The following VWA8 variants were observed in gnomAD, a reference collection of about 807,000 sequenced individuals.
VWA8 encodes the protein von Willebrand factor A domain-containing protein 8.
A neutral mutation model predicts 241.5 loss-of-function variants in VWA8; 221 were observed. That is an observed-to-expected ratio of 0.91 (90% CI 0.82 to 1.02). The LOEUF is 1.02. VWA8 is among the 50% of genes least tolerant of loss of function. The probability of loss-of-function intolerance (pLI) is 0.00; values close to 1 mark genes in which losing one functional copy is unlikely to be tolerated. For missense variants in VWA8, 2,322 were observed against 2,328.7 expected (o/e 1.00, Z 0.06); for synonymous variants, 852 against 827.1 (o/e 1.03, Z -0.52).
At chr13:41,926,823 G>A (rs1876867711) in intron 2 of VWA8, 1 of 561,606 alleles carries the variant, frequency 1.8e-6, no homozygotes, top group African/African-American at 1.9e-5. Context: ...TAACCTCTTT[G>A]AAACTGATGA....
intron 37 of VWA8, among the ~76,000 whole-genome samples, chr13:41,629,458 T>C (rs1046817503): frequency 6.6e-6 from 1 of 152,240 alleles, no homozygotes; most frequent in African/African-American, 2.4e-5. Flanking sequence ...ATGCTTGTTA[T>C]GAGATCAATA....
intron 37 of VWA8, among the ~76,000 whole-genome samples, chr13:41,655,262 A>G (rs7321867): frequency 0.039 from 5,926 of 151,796 alleles, 145 homozygotes; most frequent in South Asian, 0.078. Flanking sequence ...GCTAATTTTT[A>G]TATTTTAGGA....
intron 3 of VWA8, 148 bp from the exon 4 acceptor site, chr13:41,907,844 G>A (rs1179474890): frequency 3.1e-6 from 2 of 636,232 alleles, no homozygotes; most frequent in African/African-American, 3.7e-5. Context: ...CTAAGTTTGA[G>A]AAAAAAGAAA....
chr13:41,795,176 C>T (rs539452047), intron 17 of VWA8, among the ~76,000 whole-genome samples: 1 of 149,744 alleles, frequency 6.7e-6, no homozygotes, highest in South Asian at 2.1e-4. Context: ...TACATTTAGG[C>T]AGCCAACGAA....
chr13:41,593,328 G>A (rs1368866745), intron 40 of VWA8, among the ~76,000 whole-genome samples: 2 of 152,134 alleles, frequency 1.3e-5, no homozygotes, highest in South Asian at 4.1e-4. Context: ...TGTGACCCTT[G>A]GGAGAATGTT....
At chr13:41,621,549 C>T (rs1254686398) in intron 37 of VWA8, among the ~76,000 whole-genome samples, 1 of 152,164 alleles carries the variant, frequency 6.6e-6, no homozygotes, top group African/African-American at 2.4e-5. Context: ...TTCTGGTACA[C>T]TATTTAAAAA....
intron 12 of VWA8, among the ~76,000 whole-genome samples, chr13:41,854,745 T>C (rs1872669054): frequency 6.6e-6 from 1 of 152,082 alleles, no homozygotes; most frequent in Admixed American, 6.6e-5. Context: ...ATAAGTGCCA[T>C]GAAAAAGGCC....
chr13:41,824,791 C>A (rs1871110396), intron 14 of VWA8, among the ~76,000 whole-genome samples: 1 of 148,066 alleles, frequency 6.8e-6, no homozygotes, highest in South Asian at 2.1e-4. Context: ...GCACCTCAGC[C>A]TGGGTGAAAG....
chr13:41,701,114 T>G (rs1335749332), intron 28 of VWA8, among the ~76,000 whole-genome samples: 1 of 152,236 alleles, frequency 6.6e-6, no homozygotes, highest in African/African-American at 2.4e-5. Flanking sequence ...TTCCCTTCTA[T>G]TTTTAGCACA....
Position 41,567,583 on chromosome 13 carries a change from T to G in VWA8, c.*614A>C, listed in dbSNP as rs1371518016. The G allele has an allele frequency of 6.6e-6, 1 of 152,240 alleles. No homozygotes were observed. The highest frequency in any genetic ancestry group is 1.5e-5 in the Non-Finnish European group (1 of 68,034). The allele number at this position is 152,240 out of a possible 1,614,324, so 9.4% of individuals were successfully genotyped here. ...GAAAGGCAAGCACTCCAAGGATTTT[T>G]TGATTCCTTTTGGCTTTGGCCAAGA... On this transcript the variant is annotated 3_prime_UTR_variant, in exon 45 of 45. Transcript: ENST00000379310.
chr13:41,920,197 C>T (rs1388504788), intron 2 of VWA8, among the ~76,000 whole-genome samples: 1 of 152,180 alleles, frequency 6.6e-6, no homozygotes, highest in Non-Finnish European at 1.5e-5. Context: ...TCCCAGGGCT[C>T]AAGTTGCCAC....
At chr13:41,867,792 ATTGTT>A (rs1873381330) in intron 10 of VWA8, among the ~76,000 whole-genome samples, 2 of 152,284 alleles carry the variant, frequency 1.3e-5, no homozygotes, top group South Asian at 4.1e-4. Flanking sequence ...AGGCAGGAGT[ATTGTT>A]TGAGCTCAGG....
chr13:41,866,598 A>T (rs996803162), intron 10 of VWA8, among the ~76,000 whole-genome samples: 1 of 152,044 alleles, frequency 6.6e-6, no homozygotes, highest in African/African-American at 2.4e-5. Context: ...AAATCTTCCA[A>T]ATCAATTATT....
chr13:41,854,676 C>T (rs1872666044), intron 12 of VWA8, among the ~76,000 whole-genome samples: 1 of 151,950 alleles, frequency 6.6e-6, no homozygotes, highest in African/African-American at 2.4e-5. Flanking sequence ...AGTGGTGCAT[C>T]TTACAATTGA....
At chr13:41,607,215 G>A (rs2044559054) in intron 39 of VWA8, among the ~76,000 whole-genome samples, 1 of 152,132 alleles carries the variant, frequency 6.6e-6, no homozygotes, top group African/African-American at 2.4e-5. Context: ...GGCACACAGT[G>A]GCACTCAATA....
intron 12 of VWA8, among the ~76,000 whole-genome samples, chr13:41,860,333 T>C (rs2138041985): frequency 6.6e-6 from 1 of 152,322 alleles, no homozygotes; most frequent in Admixed American, 6.5e-5. Context: ...TTGCAGGACA[T>C]CTAAAAGGTT....
At chr13:41,784,596 G>C (rs1421464957) in intron 18 of VWA8, among the ~76,000 whole-genome samples, 2 of 149,814 alleles carry the variant, frequency 1.3e-5, no homozygotes, top group African/African-American at 4.9e-5. Context: ...CCTGGAGGTT[G>C]AGGCTACAGT....
At chr13:41,855,312 ATATT>A (rs1220174489) in intron 12 of VWA8, among the ~76,000 whole-genome samples, 2 of 145,952 alleles carry the variant, frequency 1.4e-5, no homozygotes, top group African/African-American at 2.5e-5. Flanking sequence ...AAATATATAT[ATATT>A]TATTTATATA....
At chr13:41,830,425 G>T in intron 14 of VWA8, 104 bp downstream of exon 14, 2 of 962,440 alleles carry the variant, frequency 2.1e-6, no homozygotes, top group Non-Finnish European at 3.0e-6. Flanking sequence ...TTATTAAATT[G>T]TTCAAAGTTA....
Sources: gnomAD v4.1 joint callset for allele counts (sites outside exome capture counted in the v4.1 genomes callset) on GRCh38, gnomAD v4.1.1 for gene constraint, MANE v1.5 for transcripts, NCBI Gene and HGNC (gene_info 2026-07-23, HGNC 2026-07-21) for gene names.